Variants in GNAI2 observed in about 807,000 individuals in gnomAD.
GNAI2 encodes the protein guanine nucleotide-binding protein G(i) subunit alpha-2.
GNAI2 carries 4 observed loss-of-function variants against 36.8 expected under a neutral mutation model. The observed-to-expected ratio is 0.11, with a 90% CI of 0.05 to 0.25. GNAI2 has a LOEUF of 0.25. GNAI2 is among the 10% of genes least tolerant of loss of function. The pLI is 1.00. For synonymous variants in GNAI2, 194 were observed against 194.1 expected, an observed-to-expected ratio of 1.00 and a Z score of 0.01; for missense variants, 230 against 481.3, an observed-to-expected ratio of 0.48 and a Z score of 4.89.
chr3:50,230,190 A>AGG (rs1700047076), upstream of GNAI2: 1 of 152,436 alleles, frequency 6.6e-6, no homozygotes, highest in Non-Finnish European at 1.5e-5. Context: ...GGGAGCAGGG[A>AGG]GGGAGGGCAG....
Position 50,257,845 on chromosome 3 carries a change from G to A in GNAI2, c.*24+131G>A. The A allele has an allele frequency of 3.5e-6, 2 of 574,718 alleles. 1 individual carries two copies. The highest frequency in any genetic ancestry group is 4.5e-5 in the South Asian group (2 of 44,318). 35.6% of individuals were successfully genotyped at this position (574,718 alleles called of 1,614,324 possible). ...GGGCAATAGGTGACCAGGGGACAAG[G>A]GAGGAGAAGGCCCAGGGTGTGAATC... On this transcript the variant is annotated intron_variant, in intron 8 of 8. Coordinates refer to ENST00000313601, the MANE Select transcript of GNAI2 (RefSeq NM_002070.4).
chr3:50,238,334 G>A lies in GNAI2; in HGVS notation c.118+1881G>A, dbSNP rs1700229418. 1 of 152,326 alleles carries A rather than the reference G, an allele frequency of 6.6e-6. No individual in the cohort carries two copies. The allele number at this position is 152,326 out of a possible 1,614,324, so 9.4% of individuals were successfully genotyped here. ...GAGCTGGGGGAACGCAGGGCTTCTG[G>A]CTAGTTTTGTGTCCCGACACCAGAA... On this transcript the variant is annotated intron_variant, in intron 1 of 8. Coordinates refer to ENST00000313601, the MANE Select transcript of GNAI2 (RefSeq NM_002070.4). This position sits in a 1 kb window ranked among gnomAD's most constrained non-coding sequence, Gnocchi z 5.0.
intron 1 of GNAI2, among the ~76,000 whole-genome samples, chr3:50,237,927 T>C (rs1353804488): frequency 6.6e-6 from 1 of 152,190 alleles, no homozygotes; most frequent in Non-Finnish European, 1.5e-5. Flanking sequence ...GAACAGCATG[T>C]ATGTCCATTA....
chr3:50,251,148 C>T (rs1467336951), intron 1 of GNAI2, among the ~76,000 whole-genome samples: 4 of 152,164 alleles, frequency 2.6e-5, no homozygotes, highest in African/African-American at 7.2e-5. Flanking sequence ...AGGCATTGTC[C>T]CGCAGGGTCT....
rs1700712574 is a variant in GNAI2, at chr3:50,256,762, G to A, written c.633G>A (p.Lys211=). The change falls in exon 6 of 9, where the codon AAG becomes AAA. Residue 211 remains lysine, a synonymous_variant. Transcript: ENST00000313601. ...GTGGTCAGCGGTCTGAGCGGAAGAA[G>A]TGGATCCACTGCTTTGAGGGCGTCA... ...DVGGQRSERK[K]WIHCFEGVTA... 1.2e-6 allele frequency: 2 copies of A among 1,614,066 alleles called. No individual in the cohort carries two copies. Among genetic ancestry groups the A allele is most frequent in the African/African-American group, 1.3e-5 (1 of 74,934 alleles).
Position 50,241,755 on chromosome 3 carries a change from C to T in GNAI2, c.118+5302C>T, listed in dbSNP as rs1195320058. On this transcript the variant is annotated intron_variant, in intron 1 of 8. Transcript: ENST00000313601. The surrounding 1 kb of genome is among the most constrained non-coding windows in gnomAD (Gnocchi z 5.0). Reference sequence around the variant, plus strand: ...AGCCCTGAGGCAGCATCACACCACCCACTATGTGTCAGAGCCTAGGCTGCT... The same window carrying T: ...AGCCCTGAGGCAGCATCACACCACCTACTATGTGTCAGAGCCTAGGCTGCT... Among the ~76,000 whole-genome samples, 6 of 152,208 alleles carry T rather than the reference C, an allele frequency of 3.9e-5. No individual in the cohort carries two copies. Among genetic ancestry groups the T allele is most frequent in the Admixed American group, 1.3e-4 (2 of 15,292 alleles).
At chr3:50,245,045 C>T (rs2109195902) in intron 1 of GNAI2, among the ~76,000 whole-genome samples, 1 of 151,114 alleles carries the variant, frequency 6.6e-6, no homozygotes, top group Admixed American at 6.6e-5. Flanking sequence ...GTTGCCCAGG[C>T]TAGAGTGCAG....
chr3:50,243,460 A>G (rs1700342294), intron 1 of GNAI2, among the ~76,000 whole-genome samples: 1 of 152,170 alleles, frequency 6.6e-6, no homozygotes, highest in Non-Finnish European at 1.5e-5. Flanking sequence ...AGATGAGCTC[A>G]CTCTGGGTTT....
chr3:50,250,653 C>T (rs1020122787), intron 1 of GNAI2, among the ~76,000 whole-genome samples: 2 of 152,170 alleles, frequency 1.3e-5, no homozygotes, highest in African/African-American at 4.8e-5. Context: ...GGAGCAAGGT[C>T]AAGGTGAGGC....
At chr3:50,227,270 A>G (rs1311300778), upstream of GNAI2, 1 of 765,912 alleles carries the variant, frequency 1.3e-6, no homozygotes, top group Non-Finnish European at 1.9e-6. This position sits in a 1 kb window ranked among gnomAD's most constrained non-coding sequence, Gnocchi z 5.9. Flanking sequence ...ATGGGGTGCC[A>G]CAGAGGGCTA....
In GNAI2 at chr3:50,258,877, T is replaced by C. The variant is rs1404958464; in HGVS notation, c.*534T>C. On this transcript the variant is annotated 3_prime_UTR_variant, in exon 9 of 9. Coordinates refer to ENST00000313601, the MANE Select transcript of GNAI2 (RefSeq NM_002070.4). ...GTCCACCTGCTCATTCTCGTAGCTT[T>C]TTAAAAAAATGAAAGTAAAGGAAAA... is the stretch of plus-strand genomic sequence containing the variant. The C allele has an allele frequency of 2.3e-6, 1 of 440,304 alleles. No homozygotes were observed. Among genetic ancestry groups the C allele is most frequent in the Non-Finnish European group, 4.5e-6 (1 of 223,152 alleles). 27.3% of individuals were successfully genotyped at this position (440,304 alleles called of 1,614,324 possible).
At position 50,253,201 on chromosome 3, in the gene GNAI2, G is replaced by A; in HGVS notation, c.464+17G>A. On this transcript the variant is annotated intron_variant, in intron 4 of 8. Coordinates refer to ENST00000313601, the MANE Select transcript of GNAI2 (RefSeq NM_002070.4). This position sits in a 1 kb window ranked among gnomAD's most constrained non-coding sequence, Gnocchi z 4.2. ...AGCTGCCTAGTGAGTGCTCTGAGGG[G>A]CTGGGCAGGGCAGGGCAGGGGCTGG... 6.3e-7 allele frequency: 1 copy of A among 1,594,182 alleles called. No homozygotes were observed.
chr3:50,248,363 C>T (rs1470007768), intron 1 of GNAI2, among the ~76,000 whole-genome samples: 1 of 152,212 alleles, frequency 6.6e-6, no homozygotes, highest in Non-Finnish European at 1.5e-5. Flanking sequence ...TAGGGGGCAT[C>T]CCTCAGGTCC....
upstream of GNAI2, among the ~76,000 whole-genome samples, chr3:50,233,607 C>T (rs938503382): frequency 6.6e-6 from 1 of 152,198 alleles, no homozygotes; most frequent in Non-Finnish European, 1.5e-5. Flanking sequence ...TGGAGACTGA[C>T]CTATGTGTGG....
chr3:50,253,171 G>A lies in GNAI2; in HGVS notation c.451G>A (p.Asp151Asn). 2.5e-6 allele frequency: 4 copies of A among 1,611,298 alleles called. No individual in the cohort carries two copies. The highest frequency in any genetic ancestry group is 2.5e-6 in the Non-Finnish European group (3 of 1,177,946). The change falls in exon 4 of 9, where the codon GAC becomes AAC. Residue 151 changes from aspartate (D) to asparagine (N), a missense_variant. Asp to Asn is a conservative substitution (Grantham distance 23). Around this residue, in one of 4 missense-constraint regions of GNAI2, gnomAD observed 132 missense variants for 247.4 expected, o/e 0.53. Transcript: ENST00000313601. This position sits in a 1 kb window ranked among gnomAD's most constrained non-coding sequence, Gnocchi z 4.2. ...CCGCTCAAGGGAATACCAGCTCAAC[G>A]ACTCAGCTGCCTAGTGAGTGCTCTG... is the stretch of plus-strand genomic sequence containing the variant. ...FGRSREYQLN[D>N]SAAYYLNDLE...
At chr3:50,251,065 C>A (rs1700546413) in intron 1 of GNAI2, among the ~76,000 whole-genome samples, 1 of 152,184 alleles carries the variant, frequency 6.6e-6, no homozygotes, top group Admixed American at 6.5e-5. Flanking sequence ...CCTGCCTCAG[C>A]CTCCCAAAGT....
At position 50,252,319 on chromosome 3, in the gene GNAI2, A is replaced by G; in HGVS notation, c.162-78A>G. 6 of 1,511,848 alleles carry G rather than the reference A, an allele frequency of 4.0e-6. No individual in the cohort carries two copies. Among genetic ancestry groups the G allele is most frequent in the Non-Finnish European group, 1.8e-6 (2 of 1,090,630 alleles). The allele number at this position is 1,511,848 out of a possible 1,614,324, so 93.7% of individuals were successfully genotyped here. The stretch of plus-strand genomic sequence containing the variant: ...GGGGCAGTTTTCCCTTCTCTGAAGC[A>G]GGTCCCAGTAGCCCCAGGCAGCCGT... On this transcript the variant is annotated intron_variant, in intron 2 of 8. Coordinates refer to ENST00000313601, the MANE Select transcript of GNAI2 (RefSeq NM_002070.4). The surrounding 1 kb of genome is among the most constrained non-coding windows in gnomAD (Gnocchi z 4.1).
At chr3:50,239,914 G>A in intron 1 of GNAI2, 1 of 152,300 alleles carries the variant, frequency 6.6e-6, no homozygotes, top group Non-Finnish European at 1.5e-5. Context: ...TCAGACCAGA[G>A]CAATGCTGTG....
intron 1 of GNAI2, among the ~76,000 whole-genome samples, chr3:50,244,025 C>CTT (rs782681282): frequency 5.1e-4 from 61 of 120,402 alleles, no homozygotes; most frequent in Non-Finnish European, 7.3e-4. Context: ...CCCTCCACTC[C>CTT]TTTTTTTTTT....
Sources: allele counts gnomAD v4.1 joint callset (sites outside exome capture counted in the v4.1 genomes callset), GRCh38; gene constraint gnomAD v4.1.1; regional missense constraint gnomAD v4.1.1; non-coding constraint Gnocchi (gnomAD v3.1); transcripts MANE v1.5; gene names NCBI Gene and HGNC (gene_info 2026-07-23, HGNC 2026-07-21).